The following HERC2 variants were observed in gnomAD, a reference collection of about 807,000 sequenced individuals.
The protein encoded by HERC2 is HECT and RLD domain containing E3 ubiquitin protein ligase 2.
Under a neutral mutation model 537.7 loss-of-function variants are expected in HERC2, and 102 were observed. The observed-to-expected ratio is 0.19, with a 90% CI of 0.16 to 0.22. HERC2 has a LOEUF of 0.22. Ranked by LOEUF, HERC2 falls within the 10% of genes least tolerant of loss-of-function variation. The pLI is 1.00. For missense variants in HERC2, 4,236 were observed against 6,198.2 expected (o/e 0.68, Z 10.63); for synonymous variants, 2,224 against 2,466.2 (o/e 0.90, Z 2.91).
chr15:28,145,394 C>CATCT (rs1891632336), intron 71 of HERC2, among the ~76,000 whole-genome samples: 2 of 152,192 alleles, frequency 1.3e-5, no homozygotes, highest in South Asian at 4.1e-4. Context: ...TCAGAAGGAC[C>CATCT]ATCTGCCAGC....
chr15:28,164,339 C>T (rs1416728200), intron 68 of HERC2, among the ~76,000 whole-genome samples: 2 of 152,196 alleles, frequency 1.3e-5, no homozygotes, highest in Non-Finnish European at 2.9e-5. Context: ...AACCACACCA[C>T]TCTGATTTAG....
chr15:28,292,887 C>A lies in HERC2; in HGVS notation c.322+1G>T. On this transcript the variant is annotated splice_donor_variant, in intron 4 of 92. Coordinates refer to ENST00000261609, the MANE Select transcript of HERC2 (RefSeq NM_004667.6). LOFTEE classifies it high-confidence loss of function. ...CAAAGTGCCAAAATTCACAAGATTA[C>A]CTGGTTGCTTGCCCCATACCCAGCT... 1 of 1,609,338 alleles carries A rather than the reference C, an allele frequency of 6.2e-7. No individual in the cohort carries two copies. The highest frequency in any genetic ancestry group is 8.5e-7 in the Non-Finnish European group (1 of 1,179,470).
intron 4 of HERC2, among the ~76,000 whole-genome samples, chr15:28,287,362 T>C (rs1457790668): frequency 2.6e-5 from 4 of 151,934 alleles, no homozygotes. Flanking sequence ...AGGTAGAGAG[T>C]CGGTTCTGCG....
Position 28,167,821 on chromosome 15 carries a change from AAACAATCTAGTC to A in HERC2, c.10414-6_10419del. 2 of 1,612,620 alleles carry A rather than the reference AAACAATCTAGTC, an allele frequency of 1.2e-6. No homozygotes were observed. The highest frequency in any genetic ancestry group is 1.7e-6 in the Non-Finnish European group (2 of 1,179,644). On this transcript the variant is annotated splice_acceptor_variant and splice_polypyrimidine_tract_variant and coding_sequence_variant and intron_variant, in exon 68 of 93. Transcript: ENST00000261609. LOFTEE classifies it high-confidence loss of function. The stretch of plus-strand genomic sequence containing the variant: ...GAGGGGGTCACTGCGTCCTCAGAGG[AAACAATCTAGTC>A]CAAGAGTGCACAGTAGGGGAAGTTT...
intron 3 of HERC2, among the ~76,000 whole-genome samples, chr15:28,293,786 A>C (rs572266495): frequency 8.5e-5 from 13 of 152,326 alleles, no homozygotes; most frequent in South Asian, 8.3e-4. Flanking sequence ...ACTGTGACTG[A>C]TAGCATAATT....
chr15:28,131,191 G>A (rs1003029805), intron 81 of HERC2, among the ~76,000 whole-genome samples: 7 of 152,142 alleles, frequency 4.6e-5, no homozygotes, highest in African/African-American at 1.7e-4. Context: ...CAATGTGGTA[G>A]GGCTCTAGTG....
At chr15:28,244,776 T>C (rs1005341590) in intron 23 of HERC2, among the ~76,000 whole-genome samples, 25 of 152,176 alleles carry the variant, frequency 1.6e-4, no homozygotes, top group Non-Finnish European at 2.9e-5. Flanking sequence ...TTCAATGTCC[T>C]GGGGCTGTTT....
chr15:28,175,420 G>T, intron 64 of HERC2, 92 bp downstream of exon 64: 1 of 1,227,116 alleles, frequency 8.1e-7, no homozygotes, highest in Non-Finnish European at 1.2e-6. Flanking sequence ...TTCATCAACA[G>T]CTGTGATTTC....
chr15:28,221,963 C>G, intron 36 of HERC2, 65 bp downstream of exon 36: 2 of 1,058,760 alleles, frequency 1.9e-6, no homozygotes, highest in Non-Finnish European at 3.0e-6. Context: ...CCACCAATAT[C>G]GTACAGAACT....
intron 86 of HERC2, among the ~76,000 whole-genome samples, chr15:28,119,137 C>T (rs1888600017): frequency 1.3e-5 from 2 of 151,636 alleles, no homozygotes; most frequent in South Asian, 2.1e-4. Flanking sequence ...TGCGGTGGCT[C>T]ATGCCTACAG....
At chr15:28,293,880 T>C (rs1031656307) in intron 3 of HERC2, among the ~76,000 whole-genome samples, 13 of 152,134 alleles carry the variant, frequency 8.5e-5, no homozygotes, top group African/African-American at 3.1e-4. Flanking sequence ...AAAACAACTG[T>C]CATAAAACTC....
intron 43 of HERC2, among the ~76,000 whole-genome samples, chr15:28,212,148 A>G (rs2525913): frequency 0.22 from 33,858 of 152,076 alleles, 7,540 homozygotes; most frequent in African/African-American, 0.56. Context: ...TGGGATGGAG[A>G]GGAGGAGGGA....
At chr15:28,169,087 T>C (rs1331317188) in intron 66 of HERC2, among the ~76,000 whole-genome samples, 1 of 152,226 alleles carries the variant, frequency 6.6e-6, no homozygotes, top group Admixed American at 6.5e-5. Context: ...ATCTAGGCTG[T>C]GGGAAAGCAG....
At position 28,177,673 on chromosome 15, in the gene HERC2, C is replaced by T. The variant is rs58164482; in HGVS notation, c.9164-164G>A. Among the ~76,000 whole-genome samples, 32,215 of 152,086 alleles carry T rather than the reference C, an allele frequency of 0.21. 6,608 individuals carry two copies. The highest frequency in any genetic ancestry group is 0.52 in the African/African-American group (21,550 of 41,440). ...AACAGCGGAGTTAGCAGGAAAGCTT[C>T]CTGGGACATATGTGCCAAATAGGTG... On this transcript the variant is annotated intron_variant, in intron 59 of 92. Coordinates refer to ENST00000261609, the MANE Select transcript of HERC2 (RefSeq NM_004667.6). This position sits in a 1 kb window ranked among gnomAD's most constrained non-coding sequence, Gnocchi z 5.0.
intron 57 of HERC2, among the ~76,000 whole-genome samples, chr15:28,180,530 G>A (rs1318778327): frequency 6.6e-6 from 1 of 152,170 alleles, no homozygotes; most frequent in African/African-American, 2.4e-5. Flanking sequence ...AGAGTTGGGG[G>A]AATGGGAGGA....
chr15:28,167,455 T>G (rs1894256445), intron 68 of HERC2, among the ~76,000 whole-genome samples: 2 of 152,172 alleles, frequency 1.3e-5, no homozygotes, highest in Admixed American at 6.5e-5. Context: ...TTGAAAGTAA[T>G]CCTGGATCAA....
chr15:28,160,047 G>A lies in HERC2; in HGVS notation c.10746+3047C>T, dbSNP rs1284689442. ...TCAGCAGCGGAGGCTGCAGAACAGCGAATATTGCTGAACAGCAAATGTTGC... is the reference window on the plus strand; with the variant it reads ...TCAGCAGCGGAGGCTGCAGAACAGCAAATATTGCTGAACAGCAAATGTTGC... On this transcript the variant is annotated intron_variant, in intron 69 of 92. Transcript: ENST00000261609. Among the ~76,000 whole-genome samples the A allele has an allele frequency of 9.2e-5, 14 of 152,310 alleles. No individual in the cohort carries two copies. In the East Asian group the frequency reaches 1.5e-3, roughly 17 times the overall value.
chr15:28,231,418 A>C lies in HERC2; in HGVS notation c.4676-918T>G, dbSNP rs112218092. On this transcript the variant is annotated intron_variant, in intron 30 of 92. Coordinates refer to ENST00000261609, the MANE Select transcript of HERC2 (RefSeq NM_004667.6). ...GTTTATGCTAATGATGGGACTTGCG[A>C]GGGACCACTTGTTTTTGCATTGGGG... 5.1e-3 allele frequency among the ~76,000 whole-genome samples: 782 copies of C among 152,252 alleles called. 4 individuals are homozygous for C. Among genetic ancestry groups the C allele is most frequent in the Non-Finnish European group, 7.3e-3 (499 of 68,014 alleles).
At chr15:28,275,081 AAAGGGTGTGTACCAAAATCCGACCAATGG>A in intron 5 of HERC2, 76 bp from the exon 6 acceptor site, 23 of 875,130 alleles carry the variant, frequency 2.6e-5, no homozygotes, top group Non-Finnish European at 4.2e-5. Context: ...CAATACTATG[AAAGGGTGTGTACCAAAATCCGACCAATGG>A]TTTTCTTCAA....
Sources: gnomAD v4.1 joint callset for allele counts (sites outside exome capture counted in the v4.1 genomes callset) on GRCh38, gnomAD v4.1.1 for gene constraint, Gnocchi (gnomAD v3.1) non-coding constraint, MANE v1.5 for transcripts, NCBI Gene and HGNC (gene_info 2026-07-23, HGNC 2026-07-21) for gene names.